Variants in C6 observed in about 807,000 individuals in gnomAD.
C6 encodes the protein complement component C6.
A neutral mutation model predicts 112.9 loss-of-function variants in C6; 101 were observed. That is an observed-to-expected ratio of 0.89 (90% CI 0.76 to 1.06). The LOEUF (loss-of-function observed/expected upper bound fraction) is 1.06. C6 is among the 50% of genes least tolerant of loss of function. The pLI is 0.00. For synonymous variants in C6, 431 were observed against 384.1 expected (o/e 1.12, Z -1.43); for missense variants, 1,202 against 1,104.6 (o/e 1.09, Z -1.25).
At position 41,164,114 on chromosome 5, in the gene C6, A is replaced by G. The variant is rs561567759; in HGVS notation, c.1292-2255T>C. 1.5e-4 allele frequency among the ~76,000 whole-genome samples: 22 copies of G among 146,596 alleles called. 1 individual carries two copies. In the South Asian group the frequency reaches 5.3e-3, roughly 35 times the overall value. On this transcript the variant is annotated intron_variant, in intron 9 of 17. Coordinates refer to ENST00000337836, the MANE Select transcript of C6 (RefSeq NM_000065.5). ...AAAGAAGAAAGGAAGGAAGGTAGAA[A>G]GGGGGGAGGGAGGGAGAGAGGGAGG...
intron 9 of C6, among the ~76,000 whole-genome samples, chr5:41,162,251 C>A (rs928224039): frequency 2.2e-4 from 33 of 152,166 alleles, no homozygotes; most frequent in Non-Finnish European, 4.9e-4. Context: ...GACTACTCTG[C>A]CCCTTACTCT....
intron 1 of C6, among the ~76,000 whole-genome samples, chr5:41,246,381 C>T (rs942277013): frequency 1.3e-5 from 2 of 152,176 alleles, no homozygotes; most frequent in African/African-American, 4.8e-5. Flanking sequence ...CTCACTGATG[C>T]CTTCACACAG....
intron 5 of C6, among the ~76,000 whole-genome samples, chr5:41,191,391 A>G (rs1286772857): frequency 1.3e-5 from 2 of 152,128 alleles, no homozygotes; most frequent in African/African-American, 2.4e-5. Context: ...TGCTTTGGCT[A>G]TTAAGGTTTT....
At chr5:41,212,982 T>G (rs1344410888) in intron 1 of C6, 1 of 151,846 alleles carries the variant, frequency 6.6e-6, no homozygotes, top group African/African-American at 2.4e-5. Context: ...CCATGTAAAC[T>G]TACTGAATTT....
At chr5:41,192,906 A>ATG (rs1750327899) in intron 5 of C6, among the ~76,000 whole-genome samples, 1 of 152,180 alleles carries the variant, frequency 6.6e-6, no homozygotes, top group Non-Finnish European at 1.5e-5. Context: ...GATATCTAAT[A>ATG]TGTACAAAGG....
intron 9 of C6, 84 bp downstream of exon 9, chr5:41,172,141 A>T: frequency 7.3e-7 from 1 of 1,373,180 alleles, no homozygotes; most frequent in Non-Finnish European, 1.0e-6. Flanking sequence ...AGCTAAAAAT[A>T]GCACAGTCAC....
intron 5 of C6, among the ~76,000 whole-genome samples, chr5:41,186,750 A>G (rs1749800127): frequency 6.6e-6 from 1 of 152,096 alleles, no homozygotes; most frequent in Non-Finnish European, 1.5e-5. Flanking sequence ...TAAGTGCTTT[A>G]CAAATATTAA....
chr5:41,154,105 C>A, intron 14 of C6, 107 bp from the exon 15 acceptor site: 1 of 921,584 alleles, frequency 1.1e-6, no homozygotes, highest in Non-Finnish European at 1.7e-6. Context: ...TTTACTGCAT[C>A]TGTTCAGCTT....
chr5:41,222,327 T>TA (rs1739224616), intron 1 of C6, among the ~76,000 whole-genome samples: 2 of 152,152 alleles, frequency 1.3e-5, no homozygotes, highest in South Asian at 4.1e-4. Context: ...ATCATGCAGT[T>TA]ACAAAGTTGT....
At chr5:41,167,162 G>A (rs1249391869) in intron 9 of C6, among the ~76,000 whole-genome samples, 4 of 152,050 alleles carry the variant, frequency 2.6e-5, no homozygotes, top group African/African-American at 9.7e-5. Context: ...GAGAAAAAGA[G>A]CAAAATTTTG....
intron 9 of C6, among the ~76,000 whole-genome samples, chr5:41,168,635 C>A (rs896679656): frequency 1.3e-5 from 2 of 151,840 alleles, no homozygotes; most frequent in Non-Finnish European, 2.9e-5. Context: ...CTTTAAAGGG[C>A]ACCCTTTTTT....
At chr5:41,200,158 C>A (rs1306840409) in intron 3 of C6, among the ~76,000 whole-genome samples, 1 of 152,154 alleles carries the variant, frequency 6.6e-6, no homozygotes. Context: ...CTTCTTATAA[C>A]TCTGAAACCA....
chr5:41,226,469 G>C (rs950325455), intron 1 of C6, among the ~76,000 whole-genome samples: 1 of 152,086 alleles, frequency 6.6e-6, no homozygotes, highest in African/African-American at 2.4e-5. Context: ...GCTGGAGAAG[G>C]TGTGGAGAAA....
chr5:41,199,179 T>C (rs1284040643), intron 4 of C6, among the ~76,000 whole-genome samples: 1 of 152,182 alleles, frequency 6.6e-6, no homozygotes, highest in Non-Finnish European at 1.5e-5. Context: ...TTATAAATAC[T>C]TTACTTTTCA....
intron 7 of C6, among the ~76,000 whole-genome samples, chr5:41,179,522 A>T (rs1749143817): frequency 6.6e-6 from 1 of 151,994 alleles, no homozygotes; most frequent in Non-Finnish European, 1.5e-5. Flanking sequence ...AGGTATTCTG[A>T]ATTAGTAGAT....
intron 12 of C6, 78 bp from the exon 13 acceptor site, chr5:41,158,863 A>G: frequency 1.0e-6 from 1 of 979,890 alleles, no homozygotes; most frequent in Non-Finnish European, 1.6e-6. Flanking sequence ...TTATGTGTAT[A>G]CATGTGTACA....
intron 1 of C6, among the ~76,000 whole-genome samples, chr5:41,251,616 G>C (rs188547886): frequency 6.6e-6 from 1 of 152,190 alleles, no homozygotes. Flanking sequence ...TCAGCTTTAT[G>C]CTTACACTAA....
chr5:41,200,793 G>A (rs1419273540), intron 3 of C6, among the ~76,000 whole-genome samples: 1 of 151,848 alleles, frequency 6.6e-6, no homozygotes, highest in African/African-American at 2.4e-5. Context: ...GGAATGTAGA[G>A]GAAGGGCAAG....
At chr5:41,234,166 AC>A (rs1241747702) in intron 1 of C6, among the ~76,000 whole-genome samples, 6 of 152,042 alleles carry the variant, frequency 3.9e-5, no homozygotes, top group Non-Finnish European at 7.4e-5. Context: ...TCACATTACT[AC>A]TTTTGAAGGA....
Sources: gnomAD v4.1 joint callset for allele counts (sites outside exome capture counted in the v4.1 genomes callset) on GRCh38, gnomAD v4.1.1 for gene constraint, MANE v1.5 for transcripts, NCBI Gene and HGNC (gene_info 2026-07-23, HGNC 2026-07-21) for gene names.